The following SYN3 variants were observed in gnomAD, a reference collection of about 807,000 sequenced individuals.
SYN3 encodes synapsin-3.
A neutral mutation model predicts 65.8 loss-of-function variants in SYN3; 35 were observed. That is an observed-to-expected ratio of 0.53 (90% CI 0.41 to 0.70). The LOEUF (loss-of-function observed/expected upper bound fraction) is 0.70, where lower values mean the gene tolerates loss of function less well. Among genes scored for constraint, SYN3 ranks in the 30% least tolerant of loss-of-function variants. SYN3 has a pLI of 0.00. For missense variants in SYN3, 680 were observed against 749.0 expected (o/e 0.91, Z 1.08); for synonymous variants, 270 against 292.9 (o/e 0.92, Z 0.80).
chr22:32,569,255 A>AAATC (rs1222704119), intron 7 of SYN3, among the ~76,000 whole-genome samples: 1 of 84,006 alleles, frequency 1.2e-5, no homozygotes, highest in African/African-American at 4.9e-5. Context: ...TATGCATCCA[A>AAATC]AATCTATCTA....
chr22:32,733,636 T>C (rs938801061), intron 6 of SYN3, among the ~76,000 whole-genome samples: 33 of 152,228 alleles, frequency 2.2e-4, no homozygotes, highest in Non-Finnish European at 3.2e-4. Context: ...CATCTCTGTG[T>C]TCCAGTGTCT....
At chr22:32,989,388 C>A (rs2052626350) in intron 2 of SYN3, among the ~76,000 whole-genome samples, 1 of 152,182 alleles carries the variant, frequency 6.6e-6, no homozygotes, top group Non-Finnish European at 1.5e-5. Flanking sequence ...TCCCTAAGAA[C>A]ATGACAGGTC....
rs1342555534 is a variant in SYN3 at position 32,837,286 on chromosome 22, G to C, written c.711+27629C>G. ...CTTGTGTGGGATAAAGTTTCCCATGGGCCCCCGTGGAGAGGCTGGAGCACT... is the reference window on the plus strand; with the variant it reads ...CTTGTGTGGGATAAAGTTTCCCATGCGCCCCCGTGGAGAGGCTGGAGCACT... On this transcript the variant is annotated intron_variant, in intron 6 of 13. Coordinates refer to ENST00000358763, the MANE Select transcript of SYN3 (RefSeq NM_003490.4). This position sits in a 1 kb window ranked among gnomAD's most constrained non-coding sequence, Gnocchi z 4.1. Among the ~76,000 whole-genome samples, 3 of 152,170 alleles carry C rather than the reference G, an allele frequency of 2.0e-5. No homozygotes were observed. Among genetic ancestry groups the C allele is most frequent in the African/African-American group, 7.2e-5 (3 of 41,422 alleles).
intron 6 of SYN3, among the ~76,000 whole-genome samples, chr22:32,803,587 G>GGCA (rs1251126617): frequency 2.6e-5 from 4 of 152,154 alleles, no homozygotes; most frequent in African/African-American, 9.7e-5. Flanking sequence ...GATCCTTTTG[G>GGCA]GCAGCCTGAA....
chr22:32,979,895 G>C (rs1216339262), intron 3 of SYN3, among the ~76,000 whole-genome samples: 1 of 152,132 alleles, frequency 6.6e-6, no homozygotes, highest in African/African-American at 2.4e-5. Context: ...CCTGGAGTAT[G>C]GCTCCAGAAC....
chr22:32,971,958 C>T (rs539592193), intron 3 of SYN3, among the ~76,000 whole-genome samples: 6 of 152,116 alleles, frequency 3.9e-5, no homozygotes, highest in Non-Finnish European at 8.8e-5. Context: ...CAGAGTTATC[C>T]CAAACTGGGG....
At position 32,509,965 on chromosome 22, in the gene SYN3, T is replaced by C. The variant is rs1267504825; in HGVS notation, c.*3727A>G. 6.6e-6 allele frequency among the ~76,000 whole-genome samples: 1 copy of C among 152,168 alleles called. No individual in the cohort carries two copies. The highest frequency in any genetic ancestry group is 2.4e-5 in the African/African-American group (1 of 41,430). On this transcript the variant is annotated 3_prime_UTR_variant, in exon 14 of 14. Transcript: ENST00000358763. ...GTTATAAAAATCAGGATGCCTGGCC[T>C]GATTTGGAGCTTGGAAGGAGGTTCT...
chr22:32,797,503 T>C (rs1436827535), intron 6 of SYN3, among the ~76,000 whole-genome samples: 1 of 152,092 alleles, frequency 6.6e-6, no homozygotes, highest in Non-Finnish European at 1.5e-5. Flanking sequence ...AAGAGTTCAG[T>C]AACTCCTGAA....
chr22:32,562,564 G>A (rs1363994805), intron 7 of SYN3, among the ~76,000 whole-genome samples: 3 of 152,130 alleles, frequency 2.0e-5, no homozygotes, highest in African/African-American at 7.2e-5. Flanking sequence ...GGTCTTTCAC[G>A]GGGAGTGCCC....
intron 6 of SYN3, among the ~76,000 whole-genome samples, chr22:32,684,895 T>G (rs1034851155): frequency 1.6e-4 from 25 of 152,176 alleles, no homozygotes; most frequent in African/African-American, 4.6e-4. Flanking sequence ...GCACACTCAT[T>G]TCCTGCCCTA....
chr22:32,519,165 T>G (rs1341904918), intron 12 of SYN3, among the ~76,000 whole-genome samples: 1 of 152,188 alleles, frequency 6.6e-6, no homozygotes, highest in Non-Finnish European at 1.5e-5. Flanking sequence ...TATGGCATTT[T>G]GTTATCAAGG....
At chr22:32,814,516 A>C (rs1032557490) in intron 6 of SYN3, among the ~76,000 whole-genome samples, 1 of 152,162 alleles carries the variant, frequency 6.6e-6, no homozygotes, top group African/African-American at 2.4e-5. Context: ...GAAAGACAAG[A>C]GATGGCTTGA....
intron 6 of SYN3, among the ~76,000 whole-genome samples, chr22:32,733,161 A>G (rs914295828): frequency 2.6e-5 from 4 of 152,204 alleles, no homozygotes; most frequent in Non-Finnish European, 5.9e-5. Flanking sequence ...AGGCTCCCAG[A>G]TTTTCAACTC....
chr22:32,698,913 G>C (rs1159949886), intron 6 of SYN3, among the ~76,000 whole-genome samples: 1 of 152,168 alleles, frequency 6.6e-6, no homozygotes, highest in Admixed American at 6.5e-5. Context: ...TGTGTTCCAG[G>C]ATGGGGGGGT....
At chr22:32,700,006 T>C (rs1014429335) in intron 6 of SYN3, among the ~76,000 whole-genome samples, 1 of 152,180 alleles carries the variant, frequency 6.6e-6, no homozygotes, top group Non-Finnish European at 1.5e-5. Flanking sequence ...TCTCTCAATA[T>C]TATACAATGA....
intron 3 of SYN3, among the ~76,000 whole-genome samples, chr22:32,952,619 G>A (rs1380169572): frequency 5.3e-5 from 8 of 152,110 alleles, no homozygotes; most frequent in Non-Finnish European, 8.8e-5. Context: ...AGCCAGGTGT[G>A]GTGGTGCATG....
rs923615178 is a variant in SYN3, at chr22:32,580,071, C to T, written c.774+16603G>A. Among the ~76,000 whole-genome samples, 4 of 152,310 alleles carry T rather than the reference C, an allele frequency of 2.6e-5. No individual in the cohort carries two copies. The East Asian group carries it at 7.7e-4, about 29-fold the overall frequency. Reference sequence around the variant, plus strand: ...GGCTTTCCGCTGTCCAGGGCCCTGGCCTAGGCGGGGAGGGGAGCTGAGGTC... The same window carrying T: ...GGCTTTCCGCTGTCCAGGGCCCTGGTCTAGGCGGGGAGGGGAGCTGAGGTC... On this transcript the variant is annotated intron_variant, in intron 7 of 13. Transcript: ENST00000358763.
At chr22:32,836,958 T>C (rs572390389) in intron 6 of SYN3, among the ~76,000 whole-genome samples, 1 of 152,296 alleles carries the variant, frequency 6.6e-6, no homozygotes, top group South Asian at 2.1e-4. Context: ...GGGAACAGAT[T>C]TGCTGTCTGC....
intron 7 of SYN3, among the ~76,000 whole-genome samples, chr22:32,542,083 G>C (rs983661749): frequency 2.6e-5 from 4 of 152,198 alleles, no homozygotes; most frequent in African/African-American, 9.7e-5. Context: ...GATGCGGCAC[G>C]GGCCATGGGG....
Sources: gnomAD v4.1 joint callset for allele counts (sites outside exome capture counted in the v4.1 genomes callset) on GRCh38, gnomAD v4.1.1 for gene constraint, Gnocchi (gnomAD v3.1) non-coding constraint, MANE v1.5 for transcripts, NCBI Gene and HGNC (gene_info 2026-07-23, HGNC 2026-07-21) for gene names.